Variants in CRYBA4 observed in about 807,000 individuals in gnomAD.
The protein encoded by CRYBA4 is beta-crystallin A4.
A neutral mutation model predicts 31.7 loss-of-function variants in CRYBA4; 30 were observed. That is an observed-to-expected ratio of 0.95 (90% CI 0.71 to 1.28). The LOEUF (loss-of-function observed/expected upper bound fraction) is 1.28, where lower values mean the gene tolerates loss of function less well. Ranked by LOEUF, CRYBA4 falls within the 50% of genes most tolerant of loss-of-function variation. The probability of loss-of-function intolerance (pLI) is 0.00; values close to 1 mark genes in which losing one functional copy is unlikely to be tolerated. For missense variants in CRYBA4, 225 were observed against 260.7 expected, an observed-to-expected ratio of 0.86 and a Z score of 0.94; for synonymous variants, 102 against 102.3, an observed-to-expected ratio of 1.00 and a Z score of 0.02.
the CRYBA4 span, among the ~76,000 whole-genome samples, chr22:26,598,694 C>T: frequency 6.6e-6 from 1 of 152,052 alleles, no homozygotes; most frequent in Non-Finnish European, 1.5e-5. Flanking sequence ...TGTGTGATTG[C>T]TTTCTATGTA....
the CRYBA4 span, among the ~76,000 whole-genome samples, chr22:26,595,579 CA>C: frequency 0.86 from 108,549 of 126,210 alleles, 46,036 homozygotes; most frequent in East Asian, 0.98. Flanking sequence ...AACTCCGTCT[CA>C]AAAAAAAAAA....
chr22:26,614,872 A>C, the CRYBA4 span, among the ~76,000 whole-genome samples: 4 of 152,158 alleles, frequency 2.6e-5, no homozygotes, highest in East Asian at 7.7e-4. Flanking sequence ...GTATGTGTGT[A>C]TACATTTTTA....
At chr22:26,627,864 T>C (rs887776973) in intron 4 of CRYBA4, among the ~76,000 whole-genome samples, 1 of 152,084 alleles carries the variant, frequency 6.6e-6, no homozygotes, top group Non-Finnish European at 1.5e-5. Flanking sequence ...GTCGGGCTGG[T>C]CTTGAACTCC....
the CRYBA4 span, among the ~76,000 whole-genome samples, chr22:26,597,924 C>T: frequency 6.6e-6 from 1 of 152,160 alleles, no homozygotes; most frequent in Non-Finnish European, 1.5e-5. Flanking sequence ...CACTCTGTCA[C>T]CCAGGCTGGA....
intron 5 of CRYBA4, among the ~76,000 whole-genome samples, chr22:26,628,687 C>T (rs988316193): frequency 1.3e-5 from 2 of 152,152 alleles, no homozygotes; most frequent in African/African-American, 4.8e-5. Context: ...CAGCAGGTAT[C>T]TCTCTCCCCC....
intron 4 of CRYBA4, among the ~76,000 whole-genome samples, chr22:26,625,964 C>T (rs1929692184): frequency 6.6e-6 from 1 of 151,830 alleles, no homozygotes; most frequent in Admixed American, 6.6e-5. Context: ...GATGGTAGGG[C>T]CAAGTGGAGA....
chr22:26,616,793 A>G, the CRYBA4 span, among the ~76,000 whole-genome samples: 11 of 152,228 alleles, frequency 7.2e-5, no homozygotes, highest in Non-Finnish European at 1.3e-4. Flanking sequence ...AGTAGCTGCT[A>G]TCATGATCCC....
the CRYBA4 span, among the ~76,000 whole-genome samples, chr22:26,602,652 G>A: frequency 6.6e-6 from 1 of 152,038 alleles, no homozygotes; most frequent in Non-Finnish European, 1.5e-5. Flanking sequence ...GGCTCAGAGA[G>A]GTCAAGCTTA....
At position 26,622,652 on chromosome 22, in the gene CRYBA4, G is replaced by A. The variant is rs759056054; in HGVS notation, c.39+17G>A. On this transcript the variant is annotated intron_variant, in intron 2 of 5. Coordinates refer to ENST00000354760, the MANE Select transcript of CRYBA4 (RefSeq NM_001886.3). ...CCCTGGAAGGTAGGAAGAGGCATGG[G>A]GAGGGGGTGTTCAGGGGGTATGGGG... 1 of 1,600,718 alleles carries A rather than the reference G, an allele frequency of 6.2e-7. No homozygotes were observed. Among genetic ancestry groups the A allele is most frequent in the East Asian group, 2.2e-5 (1 of 44,820 alleles).
At chr22:26,599,409 A>G in the CRYBA4 span, 2 of 1,484,618 alleles carry the variant, frequency 1.3e-6, no homozygotes, top group Non-Finnish European at 1.8e-6. Context: ...GCTTTAGGGA[A>G]TTTTATTTGC....
At chr22:26,627,181 T>A (rs1306100585) in intron 4 of CRYBA4, among the ~76,000 whole-genome samples, 2 of 152,268 alleles carry the variant, frequency 1.3e-5, no homozygotes, top group East Asian at 3.9e-4. Context: ...GTAGGGTTAG[T>A]TTCATTTTAT....
intron 5 of CRYBA4, among the ~76,000 whole-genome samples, chr22:26,628,788 T>G (rs554559235): frequency 2.8e-4 from 43 of 152,172 alleles, no homozygotes; most frequent in Non-Finnish European, 5.1e-4. Context: ...GGCGGCTTCA[T>G]CGTTACATCC....
At chr22:26,605,792 C>T in the CRYBA4 span, among the ~76,000 whole-genome samples, 218 of 150,348 alleles carry the variant, frequency 1.4e-3, no homozygotes, top group African/African-American at 2.8e-3. Context: ...TAACTTCCCA[C>T]GACAGGGGGC....
chr22:26,593,217 A>G, the CRYBA4 span, among the ~76,000 whole-genome samples: 1 of 152,356 alleles, frequency 6.6e-6, no homozygotes, highest in Non-Finnish European at 1.5e-5. Context: ...AGTACTTAAG[A>G]GGTTTTATCA....
At chr22:26,622,743 T>C in intron 2 of CRYBA4, 108 bp downstream of exon 2, 1 of 872,554 alleles carries the variant, frequency 1.1e-6, no homozygotes, top group Non-Finnish European at 1.9e-6. Context: ...AGAGGTGCAA[T>C]CAAGGCTCAG....
chr22:26,618,823 C>T (rs925068310), upstream of CRYBA4, among the ~76,000 whole-genome samples: 15 of 152,290 alleles, frequency 9.8e-5, no homozygotes, highest in Admixed American at 2.6e-4. Flanking sequence ...GGTTGGATAT[C>T]GGAGACCTGG....
chr22:26,607,937 C>T, the CRYBA4 span: 35 of 1,614,190 alleles, frequency 2.2e-5, no homozygotes, highest in East Asian at 2.0e-4. Context: ...GGTAGCTGCT[C>T]GACCATGTGT....
chr22:26,628,294 C>T lies in CRYBA4; in HGVS notation c.307C>T (p.Arg103Cys), dbSNP rs149353652. ...SFRPAACANH[R>C]DSRLTIFEQE... ...GTGTTCCCTGTTCCTGTAGAACCAC[C>T]GTGACTCGAGGCTGACAATCTTCGA... Residue 103 changes from arginine (R) to cysteine (C), a missense_variant, in exon 5 of 6, where the codon CGT becomes TGT. Coordinates refer to ENST00000354760, the MANE Select transcript of CRYBA4 (RefSeq NM_001886.3). 5.0e-4 allele frequency: 812 copies of T among 1,613,908 alleles called. 4 individuals are homozygous for T. In the African/African-American group the frequency reaches 9.2e-3, roughly 18 times the overall value.
In CRYBA4 at chr22:26,623,268, G is replaced by A. The variant is rs746248733; in HGVS notation, c.74G>A (p.Arg25Gln). 3.1e-6 allele frequency: 5 copies of A among 1,613,844 alleles called. No individual in the cohort carries two copies. Among genetic ancestry groups the A allele is most frequent in the South Asian group, 1.1e-5 (1 of 91,086 alleles). Reference protein sequence around the residue: ...VVWDEDGFQGRRHEFTAECPS... With the variant: ...VVWDEDGFQGQRHEFTAECPS... ...TGGGATGAGGACGGCTTCCAGGGCC[G>A]GCGGCACGAGTTCACGGCCGAGTGC... Residue 25 changes from arginine (R) to glutamine (Q), a missense_variant, in exon 3 of 6, where the codon CGG becomes CAG. Transcript: ENST00000354760.
Sources: gnomAD v4.1 joint callset for allele counts (sites outside exome capture counted in the v4.1 genomes callset) on GRCh38, gnomAD v4.1.1 for gene constraint, MANE v1.5 for transcripts, NCBI Gene and HGNC (gene_info 2026-07-23, HGNC 2026-07-21) for gene names.